ZFPM2: variants seen among roughly 807,000 people sequenced by gnomAD.
The protein encoded by ZFPM2 is zinc finger protein ZFPM2.
ZFPM2 carries 20 observed loss-of-function variants against 98.6 expected under a neutral mutation model. The ratio of observed to expected loss-of-function variants is 0.20; its 90% CI spans 0.14 to 0.29. ZFPM2 has a LOEUF of 0.29. ZFPM2 is among the 10% of genes least tolerant of loss of function. The pLI is 1.00. For synonymous variants in ZFPM2, 518 were observed against 502.7 expected (o/e 1.03, Z -0.41); for missense variants, 1,310 against 1,388.6 (o/e 0.94, Z 0.90).
rs184159190 is a variant in ZFPM2 at position 105,591,547 on chromosome 8, C to T, written c.420+30066C>T. ...AACTTGTACACCAGAAAAATCAAAT[C>T]GATGCTAAAATATCACATTAGAAAA... On this transcript the variant is annotated intron_variant, in intron 4 of 7. Transcript: ENST00000407775. 9.9e-4 allele frequency among the ~76,000 whole-genome samples: 150 copies of T among 151,942 alleles called. 2 individuals are homozygous for T. In the South Asian group the frequency reaches 0.021, roughly 22 times the overall value.
At chr8:105,330,579 TAC>T (rs1359382896) in intron 1 of ZFPM2, among the ~76,000 whole-genome samples, 11 of 96,422 alleles carry the variant, frequency 1.1e-4, no homozygotes, top group African/African-American at 1.7e-4. Flanking sequence ...CATATATATA[TAC>T]ATATATATAT....
chr8:105,626,836 T>C (rs951453114), intron 4 of ZFPM2, among the ~76,000 whole-genome samples: 4 of 152,202 alleles, frequency 2.6e-5, no homozygotes, highest in African/African-American at 9.7e-5. Context: ...AACATGAAAC[T>C]ATATCTCACG....
At chr8:105,641,913 G>A (rs1032536258) in intron 5 of ZFPM2, among the ~76,000 whole-genome samples, 6 of 152,052 alleles carry the variant, frequency 3.9e-5, no homozygotes, top group African/African-American at 1.4e-4. Context: ...ATCCATGCAT[G>A]AATGAAGCTT....
At chr8:105,658,658 T>C (rs1817335048) in intron 5 of ZFPM2, among the ~76,000 whole-genome samples, 1 of 151,168 alleles carries the variant, frequency 6.6e-6, no homozygotes, top group Admixed American at 6.6e-5. Context: ...ACCTTCAGTC[T>C]ATCTGTTATC....
intron 5 of ZFPM2, among the ~76,000 whole-genome samples, chr8:105,708,029 C>T (rs1280948003): frequency 1.3e-5 from 2 of 152,066 alleles, no homozygotes; most frequent in Admixed American, 6.6e-5. Context: ...ACCCTAACTG[C>T]GAGAGAGGCT....
At chr8:105,431,625 G>A (rs1250001993) in intron 2 of ZFPM2, among the ~76,000 whole-genome samples, 4 of 152,160 alleles carry the variant, frequency 2.6e-5, no homozygotes, top group East Asian at 1.9e-4. Flanking sequence ...GTAAGAATGC[G>A]ACACTTGGCC....
intron 5 of ZFPM2, among the ~76,000 whole-genome samples, chr8:105,715,568 A>G (rs1811505935): frequency 6.6e-6 from 1 of 152,034 alleles, no homozygotes; most frequent in Non-Finnish European, 1.5e-5. Flanking sequence ...TTTATAACAA[A>G]TATGTATATT....
chr8:105,388,060 A>G (rs1811036647), intron 1 of ZFPM2: 1 of 152,238 alleles, frequency 6.6e-6, no homozygotes, highest in African/African-American at 2.4e-5. Context: ...TTAATTCAAG[A>G]CATCTTTCAA....
chr8:105,394,184 C>T (rs1032827892), intron 1 of ZFPM2, among the ~76,000 whole-genome samples: 12 of 152,116 alleles, frequency 7.9e-5, no homozygotes, highest in African/African-American at 1.4e-4. Context: ...TGAGCCACCG[C>T]GCCCAGCCAT....
chr8:105,511,361 C>T (rs1205706533), intron 3 of ZFPM2, among the ~76,000 whole-genome samples: 1 of 152,190 alleles, frequency 6.6e-6, no homozygotes, highest in Non-Finnish European at 1.5e-5. Context: ...CTCTTTACAG[C>T]CTATTTGCAT....
At chr8:105,584,864 T>C (rs1203181862) in intron 4 of ZFPM2, among the ~76,000 whole-genome samples, 4 of 152,178 alleles carry the variant, frequency 2.6e-5, no homozygotes, top group Non-Finnish European at 5.9e-5. Context: ...TATTTGTAAC[T>C]CTATGTTTCT....
At chr8:105,585,908 T>A (rs1021364647) in intron 4 of ZFPM2, among the ~76,000 whole-genome samples, 1 of 151,758 alleles carries the variant, frequency 6.6e-6, no homozygotes, top group Non-Finnish European at 1.5e-5. Flanking sequence ...AGAAGGGATG[T>A]CTAAGAAGAG....
chr8:105,690,842 A>G (rs1810862752), intron 5 of ZFPM2: 1 of 152,226 alleles, frequency 6.6e-6, no homozygotes, highest in Non-Finnish European at 1.5e-5. Flanking sequence ...CAAAAGCACT[A>G]TTACCTAATA....
chr8:105,713,404 A>G (rs1042339374), intron 5 of ZFPM2, among the ~76,000 whole-genome samples: 10 of 151,944 alleles, frequency 6.6e-5, no homozygotes, highest in African/African-American at 2.2e-4. Flanking sequence ...TAAGTTTCTT[A>G]TAGATTCTGG....
rs370104012 is a variant in ZFPM2 at position 105,584,087 on chromosome 8, T to C, written c.420+22606T>C. On this transcript the variant is annotated intron_variant, in intron 4 of 7. Coordinates refer to ENST00000407775, the MANE Select transcript of ZFPM2 (RefSeq NM_012082.4). ...ATTACATTTTTAAAGGCCTGAATTATATTTTAGTCTTTTTTTTGGCAGCTG... is the reference window on the plus strand; with the variant it reads ...ATTACATTTTTAAAGGCCTGAATTACATTTTAGTCTTTTTTTTGGCAGCTG... Among the ~76,000 whole-genome samples the C allele has an allele frequency of 9.8e-5, 15 of 152,302 alleles. No individual in the cohort carries two copies. In the South Asian group the frequency reaches 2.1e-3, roughly 21 times the overall value.
chr8:105,645,172 T>G (rs1021827129), intron 5 of ZFPM2, among the ~76,000 whole-genome samples: 4 of 152,226 alleles, frequency 2.6e-5, no homozygotes, highest in African/African-American at 9.6e-5. Flanking sequence ...TTCTTTAACA[T>G]AGAAAGCTAT....
chr8:105,700,434 A>G (rs1191483245), intron 5 of ZFPM2, among the ~76,000 whole-genome samples: 1 of 152,228 alleles, frequency 6.6e-6, no homozygotes, highest in South Asian at 2.1e-4. Context: ...TTGATTAATA[A>G]TACATATTAG....
At chr8:105,430,486 A>G (rs1486472679) in intron 2 of ZFPM2, among the ~76,000 whole-genome samples, 1 of 152,224 alleles carries the variant, frequency 6.6e-6, no homozygotes, top group East Asian at 1.9e-4. Context: ...CCTTTGCCTA[A>G]AGAGACCACA....
intron 4 of ZFPM2, among the ~76,000 whole-genome samples, chr8:105,612,292 G>A (rs1184389985): frequency 6.6e-6 from 1 of 151,838 alleles, no homozygotes; most frequent in Non-Finnish European, 1.5e-5. Context: ...TAAAATAGCT[G>A]ATTTGCTATT....
Sources: gnomAD v4.1 joint callset for allele counts (sites outside exome capture counted in the v4.1 genomes callset) on GRCh38, gnomAD v4.1.1 for gene constraint, MANE v1.5 for transcripts, NCBI Gene and HGNC (gene_info 2026-07-23, HGNC 2026-07-21) for gene names.